The following TMC2 variants were observed in gnomAD, a reference collection of about 807,000 sequenced individuals.
TMC2 encodes the protein transmembrane channel like 2.
TMC2 carries 102 observed loss-of-function variants against 105.9 expected under a neutral mutation model. That is an observed-to-expected ratio of 0.96 (90% CI 0.82 to 1.14). The LOEUF is 1.14. TMC2 is among the 50% of genes most tolerant of loss of function. The probability of loss-of-function intolerance (pLI) is 0.00; values close to 1 mark genes in which losing one functional copy is unlikely to be tolerated. For missense variants in TMC2, 1,093 were observed against 1,134.3 expected (o/e 0.96, Z 0.52); for synonymous variants, 402 against 422.8 (o/e 0.95, Z 0.60).
chr20:2,638,245 G>T (rs899463487), intron 19 of TMC2, among the ~76,000 whole-genome samples: 1 of 151,912 alleles, frequency 6.6e-6, no homozygotes, highest in African/African-American at 2.4e-5. Flanking sequence ...GGAGGCTGAG[G>T]CAGGAGAATG....
chr20:2,587,546 C>G (rs1382434384), intron 7 of TMC2, among the ~76,000 whole-genome samples: 1 of 149,290 alleles, frequency 6.7e-6, no homozygotes, highest in African/African-American at 2.5e-5. Context: ...TTTTATTATT[C>G]TCTTGAAGAA....
intron 14 of TMC2, among the ~76,000 whole-genome samples, chr20:2,614,929 G>A (rs2086469037): frequency 6.6e-6 from 1 of 152,086 alleles, no homozygotes; most frequent in Non-Finnish European, 1.5e-5. Context: ...CTAAAAGAAA[G>A]CATGTACAAA....
Position 2,589,270 on chromosome 20 carries a change from C to CTTTGTGTGTGTGTGTGTGTGTGTGTG in TMC2, c.835-3039_835-3038insTTGTGTGTGTGTGTGTGTGTGTGTGT, listed in dbSNP as rs1555774377. 6.9e-5 allele frequency among the ~76,000 whole-genome samples: 8 copies of CTTTGTGTGTGTGTGTGTGTGTGTGTG among 116,352 alleles called. 1 individual carries two copies. Among genetic ancestry groups the CTTTGTGTGTGTGTGTGTGTGTGTGTG allele is most frequent in the African/African-American group, 2.3e-4 (6 of 25,824 alleles). The allele number at this position is 116,352 out of a possible 152,430, so 76.3% of individuals were successfully genotyped here. On this transcript the variant is annotated intron_variant, in intron 7 of 19. Coordinates refer to ENST00000358864, the MANE Select transcript of TMC2 (RefSeq NM_080751.3). Reference sequence around the variant, plus strand: ...TTTTCCAGATATCTTCCTATTTGCCCTGTGTGTGTGTGTGTGTGTGTGTGT... The same window carrying CTTTGTGTGTGTGTGTGTGTGTGTGTG: ...TTTTCCAGATATCTTCCTATTTGCCCTTTGTGTGTGTGTGTGTGTGTGTGTGTGTGTGTGTGTGTGTGTGTGTGTGT...
chr20:2,636,239 G>T (rs372145374), intron 18 of TMC2, among the ~76,000 whole-genome samples: 4 of 152,124 alleles, frequency 2.6e-5, no homozygotes, highest in African/African-American at 4.8e-5. Flanking sequence ...GGTTACTAAA[G>T]AACAGGAGAA....
chr20:2,540,149 C>A (rs1361148500), intron 2 of TMC2, among the ~76,000 whole-genome samples: 6 of 151,738 alleles, frequency 4.0e-5, no homozygotes, highest in African/African-American at 1.5e-4. Context: ...TGCCACCACG[C>A]CCAGCTAATT....
At position 2,616,552 on chromosome 20, in the gene TMC2, A is replaced by G. The variant is rs1157899606; in HGVS notation, c.1940+348A>G. ...GAGTAAAGAAGAGGAGGAAAAGAGG[A>G]GGAAAGGAAAATAAAGAAGGAGGGA... On this transcript the variant is annotated intron_variant, in intron 15 of 19. Transcript: ENST00000358864. The surrounding 1 kb of genome is among the most constrained non-coding windows in gnomAD (Gnocchi z 4.8). Among the ~76,000 whole-genome samples, 1 of 145,806 alleles carries G rather than the reference A, an allele frequency of 6.9e-6. No individual in the cohort carries two copies. The highest frequency in any genetic ancestry group is 1.5e-5 in the Non-Finnish European group (1 of 64,558).
At chr20:2,615,526 T>A (rs772101682) in intron 14 of TMC2, among the ~76,000 whole-genome samples, 83 of 152,246 alleles carry the variant, frequency 5.5e-4, no homozygotes, top group Non-Finnish European at 1.1e-3. Flanking sequence ...ATATCCTCAG[T>A]GCTCACAGAT....
At chr20:2,536,749 G>C in intron 1 of TMC2, 94 bp downstream of exon 1, 2 of 1,395,348 alleles carry the variant, frequency 1.4e-6, no homozygotes, top group Non-Finnish European at 2.0e-6. Flanking sequence ...CAGAGGCATA[G>C]GGAGGAGCTG....
intron 4 of TMC2, among the ~76,000 whole-genome samples, chr20:2,566,933 CA>C (rs1482177699): frequency 6.6e-6 from 1 of 152,196 alleles, no homozygotes; most frequent in Admixed American, 6.5e-5. Flanking sequence ...AACTTTTGGA[CA>C]ATAACTGTTC....
chr20:2,575,799 A>G (rs1443771668), intron 5 of TMC2, among the ~76,000 whole-genome samples: 1 of 140,500 alleles, frequency 7.1e-6, no homozygotes, highest in Non-Finnish European at 1.5e-5. Flanking sequence ...TATCAGGTTT[A>G]TTCTCAATAT....
At chr20:2,560,329 C>A (rs2086017130) in intron 3 of TMC2, among the ~76,000 whole-genome samples, 1 of 152,006 alleles carries the variant, frequency 6.6e-6, no homozygotes, top group Non-Finnish European at 1.5e-5. Context: ...CCTAAAACTT[C>A]TTCTTTGCTC....
At chr20:2,610,148 C>T (rs761781958) in intron 11 of TMC2, among the ~76,000 whole-genome samples, 12 of 152,176 alleles carry the variant, frequency 7.9e-5, no homozygotes, top group South Asian at 2.1e-4. Flanking sequence ...TGCGCCTGGC[C>T]AGAAAGTGCT....
chr20:2,537,607 C>T (rs1600090649), intron 2 of TMC2, among the ~76,000 whole-genome samples: 2 of 151,910 alleles, frequency 1.3e-5, no homozygotes, highest in African/African-American at 4.8e-5. Flanking sequence ...GGCAGGGAAG[C>T]TCGGTGCAGG....
chr20:2,571,880 T>C (rs142096415), intron 4 of TMC2, among the ~76,000 whole-genome samples: 1 of 152,182 alleles, frequency 6.6e-6, no homozygotes, highest in Non-Finnish European at 1.5e-5. Context: ...CTTAACTACA[T>C]TTTAAAAGTC....
At chr20:2,632,221 A>G (rs1167544025) in intron 17 of TMC2, among the ~76,000 whole-genome samples, 1 of 152,036 alleles carries the variant, frequency 6.6e-6, no homozygotes, top group African/African-American at 2.4e-5. Context: ...GGGTTTCACT[A>G]TGTTGGCCAG....
intron 14 of TMC2, among the ~76,000 whole-genome samples, chr20:2,614,896 C>A (rs1009822582): frequency 4.6e-5 from 7 of 151,640 alleles, no homozygotes; most frequent in African/African-American, 1.7e-4. Context: ...TCTTAAACAT[C>A]AAAAAAATGA....
At chr20:2,591,398 T>C (rs1442253359) in intron 7 of TMC2, among the ~76,000 whole-genome samples, 3 of 152,174 alleles carry the variant, frequency 2.0e-5, no homozygotes, top group Non-Finnish European at 4.4e-5. Context: ...TTGGCACTGA[T>C]AGGTAATTTT....
Position 2,608,300 on chromosome 20 carries a change from T to TTTTTTA in TMC2, c.1414-2117_1414-2116insTTTATT, listed in dbSNP as rs1555775762. Among the ~76,000 whole-genome samples the TTTTTTA allele has an allele frequency of 1.5e-3, 201 of 134,592 alleles. 2 individuals carry two copies. The highest frequency in any genetic ancestry group is 3.7e-3 in the Middle Eastern group (1 of 272). The allele number at this position is 134,592 out of a possible 152,430, so 88.3% of individuals were successfully genotyped here. On this transcript the variant is annotated intron_variant, in intron 11 of 19. Transcript: ENST00000358864. ...CTTCCCAGTTGTACCCTTATTTTTATTTATTATTATTATTATTATTATTAT... is the reference window on the plus strand; with the variant it reads ...CTTCCCAGTTGTACCCTTATTTTTATTTTTTATTATTATTATTATTATTATTATTAT...
intron 11 of TMC2, among the ~76,000 whole-genome samples, chr20:2,603,985 C>T (rs892780424): frequency 4.6e-5 from 7 of 152,132 alleles, no homozygotes; most frequent in African/African-American, 1.7e-4. Flanking sequence ...ATCAGTCACT[C>T]CACTAATGTT....
Sources: gnomAD v4.1 joint callset for allele counts (sites outside exome capture counted in the v4.1 genomes callset) on GRCh38, gnomAD v4.1.1 for gene constraint, Gnocchi (gnomAD v3.1) non-coding constraint, MANE v1.5 for transcripts, NCBI Gene and HGNC (gene_info 2026-07-23, HGNC 2026-07-21) for gene names.